Variants in SSB observed in about 807,000 individuals in gnomAD.
The protein encoded by SSB is small RNA binding exonuclease protection factor La, also known as lupus La protein.
Under a neutral mutation model 52.9 loss-of-function variants are expected in SSB, and 17 were observed. The ratio of observed to expected loss-of-function variants is 0.32; its 90% CI spans 0.22 to 0.48. SSB has a LOEUF of 0.48. SSB is among the 20% of genes least tolerant of loss of function. The pLI, the probability that SSB is intolerant of heterozygous loss-of-function variation, is 0.99. For missense variants in SSB, 314 were observed against 463.6 expected, an observed-to-expected ratio of 0.68 and a Z score of 2.96; for synonymous variants, 111 against 152.1, an observed-to-expected ratio of 0.73 and a Z score of 1.99.
chr2:169,812,025 ACT>A lies in SSB; in HGVS notation c.*270_*271del, dbSNP rs985601423. On this transcript the variant is annotated 3_prime_UTR_variant, in exon 12 of 12. Transcript: ENST00000260956. ...GTAATATGAGAATGTATTAGTACAA[ACT>A]AACTAATAAAATATATACTATATGA... 2.1e-5 allele frequency: 16 copies of A among 747,040 alleles called. No homozygotes were observed. In the African/African-American group the frequency reaches 2.8e-4, roughly 13 times the overall value. 46.3% of individuals were successfully genotyped at this position (747,040 alleles called of 1,614,324 possible).
intron 8 of SSB, 72 bp from the exon 9 acceptor site, chr2:169,810,211 A>G (rs1353372049): frequency 9.1e-6 from 11 of 1,202,282 alleles, no homozygotes; most frequent in Non-Finnish European, 1.3e-5. Context: ...TATAGCTATA[A>G]GGTGGTGTGA....
At position 169,805,582 on chromosome 2, in the gene SSB, C is replaced by T; in HGVS notation, c.170+5C>T. ...GATAATGATAAAATTCAACAGGTAACAAGCTTTTAAAAATAATCTTTAGGT... is the reference window on the plus strand; with the variant it reads ...GATAATGATAAAATTCAACAGGTAATAAGCTTTTAAAAATAATCTTTAGGT... On this transcript the variant is annotated splice_donor_5th_base_variant and intron_variant, in intron 3 of 11. Coordinates refer to ENST00000260956, the MANE Select transcript of SSB (RefSeq NM_003142.5). 1 of 1,612,990 alleles carries T rather than the reference C, an allele frequency of 6.2e-7. No individual in the cohort carries two copies.
rs1176724563 is a variant in SSB, at chr2:169,810,896, G to C, written c.849G>C (p.Leu283Phe). 6.2e-7 allele frequency: 1 copy of C among 1,613,028 alleles called. No homozygotes were observed. Among genetic ancestry groups the C allele is most frequent in the Non-Finnish European group, 8.5e-7 (1 of 1,179,596 alleles). ...TTAAAGAAAAAGCCAAGGAAGCATT[G>C]GGTAAAGCCAAAGATGCAAATAATG... is the stretch of plus-strand genomic sequence containing the variant. Reference protein sequence around the residue: ...ILFKEKAKEALGKAKDANNGN... With the variant: ...ILFKEKAKEAFGKAKDANNGN... Residue 283 changes from leucine to phenylalanine, a missense_variant, in exon 10 of 12, where the codon TTG becomes TTC. Transcript: ENST00000260956.
At chr2:169,810,803 T>G in intron 9 of SSB, 55 bp from the exon 10 acceptor site, 1 of 1,525,106 alleles carries the variant, frequency 6.6e-7, no homozygotes, top group Non-Finnish European at 8.8e-7. Context: ...ACAAAGAAAT[T>G]AATTGTGGGA....
In SSB at chr2:169,812,014, T is replaced by A; in HGVS notation, c.*258T>A. 1.2e-6 allele frequency: 1 copy of A among 808,564 alleles called. No homozygotes were observed. The highest frequency in any genetic ancestry group is 1.9e-6 in the Non-Finnish European group (1 of 513,816). 50.1% of individuals were successfully genotyped at this position (808,564 alleles called of 1,614,324 possible). On this transcript the variant is annotated 3_prime_UTR_variant, in exon 12 of 12. Coordinates refer to ENST00000260956, the MANE Select transcript of SSB (RefSeq NM_003142.5). ...AAATTGCCTTTGTAATATGAGAATG[T>A]ATTAGTACAAACTAACTAATAAAAT...
intron 1 of SSB, 99 bp downstream of exon 1, chr2:169,799,075 G>A (rs930015610): frequency 6.6e-6 from 1 of 152,116 alleles, no homozygotes; most frequent in Non-Finnish European, 1.5e-5. Flanking sequence ...CGCGGCGTCC[G>A]TCCGCCCCTC....
Position 169,811,003 on chromosome 2 carries a change from T to A in SSB, c.956T>A (p.Ile319Lys). 6.2e-7 allele frequency: 1 copy of A among 1,612,140 alleles called. No individual in the cohort carries two copies. Among genetic ancestry groups the A allele is most frequent in the Non-Finnish European group, 8.5e-7 (1 of 1,179,588 alleles). Residue 319 changes from isoleucine (I) to lysine (K), a missense_variant, in exon 10 of 12, where the codon ATA becomes AAA. Transcript: ENST00000260956. Reference protein sequence around the residue: ...EVEKEALKKIIEDQQESLNKW... With the variant: ...EVEKEALKKIKEDQQESLNKW... ...GAAAAAGAAGCACTGAAGAAAATAA[T>A]AGAAGACCAACAAGAATCCCTAAAC... is the stretch of plus-strand genomic sequence containing the variant.
chr2:169,799,501 T>C (rs995385777), intron 1 of SSB: 1 of 152,098 alleles, frequency 6.6e-6, no homozygotes, highest in Non-Finnish European at 1.5e-5. Flanking sequence ...CAGGTTTCAG[T>C]GTGAAACGGG....
intron 2 of SSB, among the ~76,000 whole-genome samples, 178 bp from the exon 3 acceptor site, chr2:169,805,296 T>A (rs369032939): frequency 1.2e-4 from 18 of 152,352 alleles, no homozygotes; most frequent in East Asian, 7.7e-4. Context: ...ATTTTAGTAA[T>A]TGACATTTTA....
At chr2:169,806,668 A>C in intron 4 of SSB, 117 bp from the exon 5 acceptor site, 9 of 751,982 alleles carry the variant, frequency 1.2e-5, no homozygotes, top group East Asian at 2.6e-5. Context: ...AAAGAGAAAT[A>C]GAGATAGATA....
chr2:169,810,863 A>C lies in SSB; in HGVS notation c.816A>C (p.Ile272=). Residue 272 remains isoleucine, a synonymous_variant, in exon 10 of 12, where the codon ATA becomes ATC. Transcript: ENST00000260956. ...IDFVRGAKEG[I]ILFKEKAKEA... ...GTTTTCTGTCTCTGGTATAGGGGATAATTCTATTTAAAGAAAAAGCCAAGG... is the reference window on the plus strand; with the variant it reads ...GTTTTCTGTCTCTGGTATAGGGGATCATTCTATTTAAAGAAAAAGCCAAGG... 1 of 1,605,548 alleles carries C rather than the reference A, an allele frequency of 6.2e-7. No individual in the cohort carries two copies. The highest frequency in any genetic ancestry group is 8.5e-7 in the Non-Finnish European group (1 of 1,177,858).
chr2:169,810,984 G>C lies in SSB; in HGVS notation c.937G>C (p.Glu313Gln). 1 of 1,613,216 alleles carries C rather than the reference G, an allele frequency of 6.2e-7. No homozygotes were observed. The highest frequency in any genetic ancestry group is 8.5e-7 in the Non-Finnish European group (1 of 1,179,746). The change falls in exon 10 of 12, where the codon GAA (glutamate) becomes CAA (glutamine). Residue 313 changes from glutamate (E) to glutamine (Q), a missense_variant. Coordinates refer to ENST00000260956, the MANE Select transcript of SSB (RefSeq NM_003142.5). ...WEVLEGEVEK[E>Q]ALKKIIEDQQ... ...AGTACTAGAAGGAGAGGTGGAAAAA[G>C]AAGCACTGAAGAAAATAATAGAAGA...
chr2:169,808,355 TTGA>T (rs1308453968), intron 6 of SSB, 124 bp from the exon 7 acceptor site: 9 of 646,098 alleles, frequency 1.4e-5, no homozygotes, highest in African/African-American at 1.9e-5. Flanking sequence ...GAATTTTTAG[TTGA>T]TGATTATGTT....
At chr2:169,799,897 A>G (rs943293075) in intron 1 of SSB, among the ~76,000 whole-genome samples, 3 of 142,968 alleles carry the variant, frequency 2.1e-5, no homozygotes, top group African/African-American at 5.1e-5. Flanking sequence ...ACTTTTGTAC[A>G]GTTGGGATGA....
chr2:169,805,740 C>G lies in SSB; in HGVS notation c.246C>G (p.Ile82Met). The change falls in exon 4 of 12, where the codon ATC becomes ATG. Residue 82 changes from isoleucine (I) to methionine (M), a missense_variant. Ile to Met is a conservative substitution (Grantham distance 10). Coordinates refer to ENST00000260956, the MANE Select transcript of SSB (RefSeq NM_003142.5). ...LSKSKAELME[I>M]SEDKTKIRRS... ...AATCCAAGGCAGAACTCATGGAAAT[C>G]AGTGAAGATAAAACTAAAATCAGAA... 1 of 1,613,982 alleles carries G rather than the reference C, an allele frequency of 6.2e-7. No individual in the cohort carries two copies. Among genetic ancestry groups the G allele is most frequent in the Non-Finnish European group, 8.5e-7 (1 of 1,179,974 alleles).
chr2:169,811,258 AG>A lies in SSB; in HGVS notation c.1076del (p.Gly359AlafsTer24), dbSNP rs752180853. 1.2e-6 allele frequency: 2 copies of A among 1,610,170 alleles called. No homozygotes were observed. Among genetic ancestry groups the A allele is most frequent in the Non-Finnish European group, 1.7e-6 (2 of 1,179,272 alleles). On this transcript the variant is annotated frameshift_variant, in exon 11 of 12. Coordinates refer to ENST00000260956, the MANE Select transcript of SSB (RefSeq NM_003142.5). LOFTEE classifies it high-confidence loss of function. The part of the protein sequence containing the change: ...PGSGKGKVQF[Q>X]GKKTKFASDD... ...TCTGGTAAAGGAAAAGTACAGTTTC[AG>A]GGCAAGAAAACGAAATTTGCTAGTG... is the stretch of plus-strand genomic sequence containing the variant.
chr2:169,807,753 T>TTTTTC, intron 6 of SSB, among the ~76,000 whole-genome samples: 1 of 139,872 alleles, frequency 7.1e-6, no homozygotes, highest in East Asian at 2.1e-4. Context: ...TTTTTTTTTT[T>TTTTTC]TTTTTTTACA....
chr2:169,802,189 G>A (rs1056082696), intron 2 of SSB, among the ~76,000 whole-genome samples: 1 of 152,066 alleles, frequency 6.6e-6, no homozygotes, highest in Non-Finnish European at 1.5e-5. Context: ...GTTTCAGGGG[G>A]CGAGGGGAAG....
At chr2:169,800,920 AT>A (rs748598101) in intron 1 of SSB, 31 bp from the exon 2 acceptor site, 2 of 1,499,408 alleles carry the variant, frequency 1.3e-6, no homozygotes, top group East Asian at 4.7e-5. Flanking sequence ...TATATAAAAA[AT>A]AACTTTATGC....
Sources: gnomAD v4.1 joint callset for allele counts (sites outside exome capture counted in the v4.1 genomes callset) on GRCh38, gnomAD v4.1.1 for gene constraint, MANE v1.5 for transcripts, NCBI Gene and HGNC (gene_info 2026-07-23, HGNC 2026-07-21) for gene names.